The following TUBGCP5 variants were observed in gnomAD, a reference collection of about 807,000 sequenced individuals.
TUBGCP5 encodes the protein gamma-tubulin complex component 5.
TUBGCP5 carries 98 observed loss-of-function variants against 134.7 expected under a neutral mutation model. The ratio of observed to expected loss-of-function variants is 0.73; its 90% CI spans 0.62 to 0.86. The LOEUF is 0.86. Ranked by LOEUF, TUBGCP5 falls within the 40% of genes least tolerant of loss-of-function variation. The probability of loss-of-function intolerance (pLI) is 0.00; values close to 1 mark genes in which losing one functional copy is unlikely to be tolerated. For synonymous variants in TUBGCP5, 456 were observed against 431.4 expected (o/e 1.06, Z -0.71); for missense variants, 1,150 against 1,244.8 (o/e 0.92, Z 1.15).
At chr15:23,002,062 G>GT (rs2064419232) in intron 21 of TUBGCP5, among the ~76,000 whole-genome samples, 3 of 109,602 alleles carry the variant, frequency 2.7e-5, no homozygotes, top group Non-Finnish European at 5.5e-5. Context: ...ACATTTATTT[G>GT]TAAAAAAAAC....
downstream of TUBGCP5, among the ~76,000 whole-genome samples, chr15:22,997,468 C>A (rs1026446864): frequency 6.6e-6 from 1 of 152,000 alleles, no homozygotes; most frequent in African/African-American, 2.4e-5. Context: ...GCATGAGCCA[C>A]CGTGCTCGGC....
intron 23 of TUBGCP5, among the ~76,000 whole-genome samples, chr15:22,993,525 G>GTTTTTTTTTTTTTTTTTTTTTTT (rs71414252): frequency 5.8e-5 from 4 of 69,286 alleles, no homozygotes; most frequent in African/African-American, 2.4e-4. Flanking sequence ...AGCCCCCGAA[G>GTTTTTTTTTTTTTTTTTTTTTTT]TTTTTTTTTT....
chr15:22,993,557 T>TTTTTTTTTTTTTTTA (rs2063932615), intron 23 of TUBGCP5, among the ~76,000 whole-genome samples: 2 of 123,262 alleles, frequency 1.6e-5, no homozygotes, highest in African/African-American at 7.2e-5. Flanking sequence ...TTTTTTTTTT[T>TTTTTTTTTTTTTTTA]AATATGAGAC....
intron 23 of TUBGCP5, among the ~76,000 whole-genome samples, chr15:22,990,288 T>C (rs943838766): frequency 1.5e-4 from 23 of 151,210 alleles, no homozygotes; most frequent in Admixed American, 1.3e-3. Context: ...CTCCTCCTGC[T>C]AGGGCACTCT....
intron 10 of TUBGCP5, 97 bp from the exon 11 acceptor site, chr15:23,022,258 C>T: frequency 2.3e-6 from 3 of 1,311,148 alleles, no homozygotes; most frequent in Non-Finnish European, 2.2e-6. Flanking sequence ...TATGGACAGG[C>T]AGGGCAAAAT....
chr15:23,001,570 T>C (rs1344882228), intron 21 of TUBGCP5, among the ~76,000 whole-genome samples: 2 of 152,142 alleles, frequency 1.3e-5, no homozygotes, highest in Non-Finnish European at 1.5e-5. Flanking sequence ...CTCGAACTCC[T>C]GACCTCAGGA....
rs765233137 is a variant in TUBGCP5, at chr15:23,000,594, G to A, written c.3003C>T (p.Ala1001=). The A allele has an allele frequency of 5.0e-6, 8 of 1,611,430 alleles. No homozygotes were observed. Among genetic ancestry groups the A allele is most frequent in the South Asian group, 1.1e-5 (1 of 90,730 alleles). The change falls in exon 22 of 23, where the codon GCC becomes GCT. Residue 1001 remains alanine (A), a synonymous_variant. Coordinates refer to ENST00000615383, the MANE Select transcript of TUBGCP5 (RefSeq NM_052903.6). The part of the protein sequence containing the change: ...HMFLVTILNK[A]VCRGSFPHLE... ...AATGGGGAAAGGATCCTCTACAGAC[G>A]GCTTTGTTTAAAATGGTTACAAGAA...
chr15:22,991,766 A>C (rs1446382821), intron 23 of TUBGCP5, among the ~76,000 whole-genome samples: 1 of 152,230 alleles, frequency 6.6e-6, no homozygotes, highest in East Asian at 1.9e-4. Flanking sequence ...AGTGTTCCAA[A>C]GTGTAGATGT....
In TUBGCP5 at chr15:23,027,353, C is replaced by G. The variant is rs374089860; in HGVS notation, c.623-47G>C. ...AGTTTGAGTTAACAACAACAAAATA[C>G]TGGGTCACAATACCTGGACTTACAG... On this transcript the variant is annotated intron_variant, in intron 6 of 22. Transcript: ENST00000615383. 431 of 1,505,152 alleles carry G rather than the reference C, an allele frequency of 2.9e-4. 2 individuals are homozygous for G. Among genetic ancestry groups the G allele is most frequent in the Non-Finnish European group, 3.5e-4 (377 of 1,083,560 alleles). 93.2% of individuals were successfully genotyped at this position (1,505,152 alleles called of 1,614,324 possible).
chr15:23,016,780 C>CA (rs2065345780), intron 13 of TUBGCP5, among the ~76,000 whole-genome samples: 1 of 151,310 alleles, frequency 6.6e-6, no homozygotes, highest in African/African-American at 2.4e-5. Context: ...GGCGGTTCCT[C>CA]AAAAAACTAC....
At chr15:23,037,282 C>T in intron 1 of TUBGCP5, 130 bp from the exon 2 acceptor site, 1 of 798,736 alleles carries the variant, frequency 1.3e-6, no homozygotes, top group Non-Finnish European at 2.1e-6. Flanking sequence ...TGTACCTTGT[C>T]CTCCGTTACC....
At chr15:23,031,163 C>A in intron 5 of TUBGCP5, 143 bp from the exon 6 acceptor site, 1 of 715,534 alleles carries the variant, frequency 1.4e-6, no homozygotes, top group Non-Finnish European at 2.2e-6. Context: ...TTTCCTAAAT[C>A]TCTTGGAAGT....
chr15:22,988,998 A>G (rs1245456353), intron 23 of TUBGCP5, among the ~76,000 whole-genome samples: 1 of 151,956 alleles, frequency 6.6e-6, no homozygotes, highest in Non-Finnish European at 1.5e-5. Context: ...TTCTGTCCTC[A>G]AAGCCCTCAG....
chr15:23,034,373 G>A (rs928048953), intron 3 of TUBGCP5, among the ~76,000 whole-genome samples: 4 of 152,134 alleles, frequency 2.6e-5, no homozygotes, highest in Admixed American at 6.5e-5. Flanking sequence ...TTATCAGCCC[G>A]GGAATTGAAA....
Position 23,032,735 on chromosome 15 carries a change from T to C in TUBGCP5, c.399A>G (p.Lys133=). Reference sequence around the variant, plus strand: ...AGGAATCTAGTAACATACCCACTTCTTTATTTCTTGGTGTCTCCACATAAC... The same window carrying C: ...AGGAATCTAGTAACATACCCACTTCCTTATTTCTTGGTGTCTCCACATAAC... The part of the protein sequence containing the change: ...NSSYVETPRN[K]EVEKKDDFDW... The change falls in exon 4 of 23, where the codon AAA becomes AAG. Residue 133 remains lysine, a synonymous_variant. Transcript: ENST00000615383. 1.3e-6 allele frequency: 2 copies of C among 1,577,694 alleles called. No individual in the cohort carries two copies. The highest frequency in any genetic ancestry group is 1.7e-6 in the Non-Finnish European group (2 of 1,166,138).
At position 23,016,969 on chromosome 15, in the gene TUBGCP5, GATATATAT is replaced by G. The variant is rs57631069; in HGVS notation, c.1756+796_1756+803del. On this transcript the variant is annotated intron_variant, in intron 13 of 22. Transcript: ENST00000615383. ...AGATGAATGGGTAAAAAAATTGTGA[GATATATAT>G]ATATATATATGTATATATCTTGAAG... is the stretch of plus-strand genomic sequence containing the variant. 1.4e-3 allele frequency among the ~76,000 whole-genome samples: 154 copies of G among 109,436 alleles called. 6 individuals carry two copies. The highest frequency in any genetic ancestry group is 5.2e-3 in the African/African-American group (146 of 27,818). 71.8% of individuals were successfully genotyped at this position (109,436 alleles called of 152,430 possible). A position where few individuals can be genotyped will look rare whatever the true frequency, so the allele number is the denominator to read the frequency against.
chr15:23,019,248 C>T lies in TUBGCP5; in HGVS notation c.1458G>A (p.Trp486Ter), dbSNP rs1328118604. 1.2e-6 allele frequency: 2 copies of T among 1,613,768 alleles called. No individual in the cohort carries two copies. The highest frequency in any genetic ancestry group is 1.7e-5 in the Admixed American group (1 of 59,990). ...GGATGATGAACTCCCTGGCGCCATC[C>T]CACAGGTGCCCGTGCACGATCCACT... Reference protein sequence around the residue: ...VDEWIVHGHLWDGAREFIIQR... With the variant: ...VDEWIVHGHL The change falls in exon 12 of 23, where the codon TGG becomes TGA. Residue 486 changes from tryptophan (W) to a stop codon, truncating the protein, a stop_gained. Transcript: ENST00000615383. LOFTEE classifies it high-confidence loss of function.
In TUBGCP5 at chr15:23,036,900, T is replaced by C. The variant is rs1273619927; in HGVS notation, c.306A>G (p.Ile102Met). ...GATCTCATAATTGAAGGCATACCTT[T>C]ATTTCCTTTATACTGGGAAGTGGTG... ...LNAPLPSIKEIKTDAHYSILS... is the reference protein window; with the variant it reads ...LNAPLPSIKEMKTDAHYSILS... Residue 102 changes from isoleucine to methionine, a missense_variant, in exon 3 of 23, where the codon ATA becomes ATG. Coordinates refer to ENST00000615383, the MANE Select transcript of TUBGCP5 (RefSeq NM_052903.6). The C allele has an allele frequency of 2.5e-6, 4 of 1,584,760 alleles. No homozygotes were observed. Among genetic ancestry groups the C allele is most frequent in the Non-Finnish European group, 3.5e-6 (4 of 1,158,700 alleles).
At chr15:22,983,691 A>G (rs1255740260) in intron 23 of TUBGCP5, 2 of 152,248 alleles carry the variant, frequency 1.3e-5, no homozygotes, top group African/African-American at 2.4e-5. Flanking sequence ...GTGGTATACT[A>G]TAATAAAAGT....
Sources: allele counts gnomAD v4.1 joint callset (sites outside exome capture counted in the v4.1 genomes callset), GRCh38; gene constraint gnomAD v4.1.1; transcripts MANE v1.5; gene names NCBI Gene and HGNC (gene_info 2026-07-23, HGNC 2026-07-21).